Variants in LYZL4 observed in about 807,000 individuals in gnomAD.
LYZL4 encodes lysozyme like 4.
Under a neutral mutation model 17.6 loss-of-function variants are expected in LYZL4, and 13 were observed. That is an observed-to-expected ratio of 0.74 (90% CI 0.48 to 1.18). The LOEUF is 1.18. Among genes scored for constraint, LYZL4 ranks in the 50% most tolerant of loss-of-function variants. The probability of loss-of-function intolerance (pLI) is 0.00; values close to 1 mark genes in which losing one functional copy is unlikely to be tolerated. For synonymous variants in LYZL4, 64 were observed against 67.7 expected (o/e 0.95, Z 0.27); for missense variants, 174 against 188.2 (o/e 0.92, Z 0.44).
the LYZL4 span, among the ~76,000 whole-genome samples, chr3:42,374,733 C>T: frequency 6.6e-6 from 1 of 152,214 alleles, no homozygotes; most frequent in Admixed American, 6.5e-5. Flanking sequence ...AGCATCACAC[C>T]TTGCATTGTG....
At chr3:42,389,734 C>T in the LYZL4 span, among the ~76,000 whole-genome samples, 2,872 of 152,270 alleles carry the variant, frequency 0.019, 98 homozygotes, top group African/African-American at 0.066. Flanking sequence ...AGCAGCATGG[C>T]ATCATCCAGT....
the LYZL4 span, among the ~76,000 whole-genome samples, chr3:42,385,034 A>G: frequency 1.3e-5 from 2 of 152,206 alleles, no homozygotes; most frequent in African/African-American, 4.8e-5. Flanking sequence ...TGCTTTTTCT[A>G]TTATGAGCTT....
At chr3:42,395,266 C>T (rs1056623275), downstream of LYZL4, among the ~76,000 whole-genome samples, 24 of 152,176 alleles carry the variant, frequency 1.6e-4, no homozygotes, top group African/African-American at 5.3e-4. Context: ...CTGCCTTTCA[C>T]GTAGCCACTT....
At chr3:42,377,943 A>G in the LYZL4 span, among the ~76,000 whole-genome samples, 3 of 152,200 alleles carry the variant, frequency 2.0e-5, no homozygotes, top group African/African-American at 7.2e-5. Context: ...CAGCTCGCCA[A>G]GGTCTATGTC....
downstream of LYZL4, among the ~76,000 whole-genome samples, chr3:42,396,450 C>A (rs937247569): frequency 6.6e-6 from 1 of 152,138 alleles, no homozygotes; most frequent in African/African-American, 2.4e-5. Context: ...TAAAATAAGC[C>A]CCTTGCTACT....
the LYZL4 span, among the ~76,000 whole-genome samples, chr3:42,369,219 C>T: frequency 6.7e-6 from 1 of 148,678 alleles, no homozygotes; most frequent in African/African-American, 2.6e-5. Context: ...AGTTTAACTT[C>T]CTACTTTTTT....
chr3:42,396,830 C>T (rs916460461), downstream of LYZL4, among the ~76,000 whole-genome samples: 6 of 152,210 alleles, frequency 3.9e-5, no homozygotes, highest in Non-Finnish European at 8.8e-5. Context: ...CCGTGTGTCC[C>T]AGTGTGGACA....
At chr3:42,393,690 GC>G (rs892145148), downstream of LYZL4, among the ~76,000 whole-genome samples, 5 of 152,234 alleles carry the variant, frequency 3.3e-5, no homozygotes, top group Non-Finnish European at 7.3e-5. Flanking sequence ...ATCTGGAGAA[GC>G]TTTGAAAACA....
intron 3 of LYZL4, among the ~76,000 whole-genome samples, chr3:42,406,375 A>G (rs1466524984): frequency 6.8e-6 from 1 of 147,332 alleles, no homozygotes; most frequent in Non-Finnish European, 1.5e-5. Context: ...AATGGCACGA[A>G]GCCAGGAGGT....
chr3:42,407,581 T>A (rs1698782141), intron 1 of LYZL4: 1 of 303,910 alleles, frequency 3.3e-6, no homozygotes, highest in Non-Finnish European at 6.2e-6. Context: ...TGGCTCCTTC[T>A]GGGTTTGTAT....
the LYZL4 span, among the ~76,000 whole-genome samples, chr3:42,392,005 A>T: frequency 2.0e-5 from 3 of 152,146 alleles, no homozygotes; most frequent in South Asian, 6.2e-4. Context: ...AGTAGCTGGG[A>T]CTACAGTGCA....
chr3:42,364,073 C>T, the LYZL4 span, among the ~76,000 whole-genome samples: 3,286 of 152,282 alleles, frequency 0.022, 120 homozygotes, highest in African/African-American at 0.075. Context: ...AAGAAAAGAG[C>T]GGTTGTGGGG....
At chr3:42,398,737 T>C (rs1291942658) in intron 4 of LYZL4, among the ~76,000 whole-genome samples, 1 of 152,212 alleles carries the variant, frequency 6.6e-6, no homozygotes, top group Non-Finnish European at 1.5e-5. Flanking sequence ...AATTTGTGTG[T>C]GTGCCAGCAC....
intron 4 of LYZL4, among the ~76,000 whole-genome samples, chr3:42,403,129 C>T (rs1698686173): frequency 6.6e-6 from 1 of 152,024 alleles, no homozygotes; most frequent in Non-Finnish European, 1.5e-5. Flanking sequence ...AATAATATAA[C>T]TTGAATTTTA....
At chr3:42,405,340 G>A (rs191372291) in intron 3 of LYZL4, among the ~76,000 whole-genome samples, 6 of 152,266 alleles carry the variant, frequency 3.9e-5, no homozygotes, top group East Asian at 1.9e-4. Context: ...GAGCCGCCGC[G>A]CCTGGCCGCT....
chr3:42,376,233 G>A, the LYZL4 span, among the ~76,000 whole-genome samples: 1 of 152,248 alleles, frequency 6.6e-6, no homozygotes, highest in Admixed American at 6.5e-5. Flanking sequence ...ACCCTTCGCA[G>A]GGAGAATGGG....
At chr3:42,401,014 G>A (rs913944208) in intron 4 of LYZL4, among the ~76,000 whole-genome samples, 2 of 152,066 alleles carry the variant, frequency 1.3e-5, no homozygotes, top group African/African-American at 2.4e-5. Context: ...CCAAGTAGAC[G>A]TCAGAGAAAA....
chr3:42,361,822 C>G, the LYZL4 span, among the ~76,000 whole-genome samples: 2 of 152,124 alleles, frequency 1.3e-5, no homozygotes, highest in Non-Finnish European at 2.9e-5. Context: ...TCTCCTATAC[C>G]CTTTGCCCCA....
At chr3:42,367,780 T>C in the LYZL4 span, among the ~76,000 whole-genome samples, 1 of 152,220 alleles carries the variant, frequency 6.6e-6, no homozygotes, top group Admixed American at 6.5e-5. Context: ...CGGGACAGGG[T>C]GAACTAAAAT....
Sources: allele counts gnomAD v4.1 joint callset (sites outside exome capture counted in the v4.1 genomes callset), GRCh38; gene constraint gnomAD v4.1.1; transcripts MANE v1.5; gene names NCBI Gene and HGNC (gene_info 2026-07-23, HGNC 2026-07-21).